The following SCUBE1 variants were observed in gnomAD, a reference collection of about 807,000 sequenced individuals.
SCUBE1 encodes signal peptide, CUB and EGF-like domain-containing protein 1.
SCUBE1 carries 59 observed loss-of-function variants against 124.4 expected under a neutral mutation model. The ratio of observed to expected loss-of-function variants is 0.47; its 90% CI spans 0.38 to 0.59. The LOEUF (loss-of-function observed/expected upper bound fraction) is 0.59. SCUBE1 is among the 20% of genes least tolerant of loss of function. SCUBE1 has a pLI of 0.00. For synonymous variants in SCUBE1, 545 were observed against 550.9 expected (o/e 0.99, Z 0.15); for missense variants, 1,150 against 1,371.2 (o/e 0.84, Z 2.55).
At chr22:43,319,672 C>T (rs879324544) in intron 3 of SCUBE1, among the ~76,000 whole-genome samples, 16 of 151,974 alleles carry the variant, frequency 1.1e-4, no homozygotes, top group Admixed American at 1.3e-4. Context: ...AGGTAGCCAC[C>T]TGCAAGCCTG....
At chr22:43,311,576 A>T (rs1926171411) in intron 3 of SCUBE1, among the ~76,000 whole-genome samples, 1 of 150,584 alleles carries the variant, frequency 6.6e-6, no homozygotes. Context: ...GCCTGCCACC[A>T]AATCTGGCTA....
chr22:43,255,394 C>A lies in SCUBE1; in HGVS notation c.727+2825G>T. On this transcript the variant is annotated intron_variant, in intron 6 of 21. Transcript: ENST00000360835. The surrounding 1 kb of genome is among the most constrained non-coding windows in gnomAD (Gnocchi z 4.7). ...CACACCCACACACAGCACACACACG[C>A]CCATGTCCACATGCCAGTGCGCACC... 9.2e-7 allele frequency: 1 copy of A among 1,081,158 alleles called. No individual in the cohort carries two copies. Among genetic ancestry groups the A allele is most frequent in the South Asian group, 1.4e-5 (1 of 73,010 alleles). 67.0% of individuals were successfully genotyped at this position (1,081,158 alleles called of 1,614,324 possible). A position where few individuals can be genotyped will look rare whatever the true frequency, so the allele number is the denominator to read the frequency against.
At position 43,227,449 on chromosome 22, in the gene SCUBE1, C is replaced by T. The variant is rs764184054; in HGVS notation, c.1132G>A (p.Val378Ile). ...MSNGSCDQGC[V>I]NTKGSYECVC... ...CACTCGTAGCTGCCCTTGGTGTTGA[C>T]GCAGCCCTGGTCACAGCTCCCGTTG... The change falls in exon 10 of 22, where the codon GTC becomes ATC. Residue 378 changes from valine (V) to isoleucine (I), a missense_variant. Coordinates refer to ENST00000360835, the MANE Select transcript of SCUBE1 (RefSeq NM_173050.5). 19 of 1,613,092 alleles carry T rather than the reference C, an allele frequency of 1.2e-5. No individual in the cohort carries two copies. The highest frequency in any genetic ancestry group is 2.7e-5 in the African/African-American group (2 of 74,918).
intron 3 of SCUBE1, among the ~76,000 whole-genome samples, 188 bp downstream of exon 3, chr22:43,319,749 G>C (rs1287851162): frequency 6.6e-6 from 1 of 152,062 alleles, no homozygotes; most frequent in Non-Finnish European, 1.5e-5. Flanking sequence ...CCAGACTCCA[G>C]AACTGCGAGG....
rs1445942201 is a variant in SCUBE1 at position 43,214,150 on chromosome 22, G to A, written c.1993C>T (p.Pro665Ser). The change falls in exon 16 of 22, where the codon CCG becomes TCG. Residue 665 changes from proline (P) to serine (S), a missense_variant. Transcript: ENST00000360835. ...QDMEGQLSCT[P>S]CPSSDGLGLP... is the part of the protein sequence containing the mutation. Reference sequence around the variant, plus strand: ...CCAAGCCCGTCGCTGCTGGGGCACGGTGTGCAACTGAGCTGGCCTTCCATG... The same window carrying A: ...CCAAGCCCGTCGCTGCTGGGGCACGATGTGCAACTGAGCTGGCCTTCCATG... 1.2e-6 allele frequency: 2 copies of A among 1,612,288 alleles called. No homozygotes were observed. Among genetic ancestry groups the A allele is most frequent in the African/African-American group, 2.7e-5 (2 of 74,832 alleles).
rs751882996 is a variant in SCUBE1 at position 43,211,050 on chromosome 22, G to C, written c.2255C>G (p.Thr752Ser). 2.5e-6 allele frequency: 4 copies of C among 1,613,616 alleles called. No individual in the cohort carries two copies. The East Asian group carries it at 8.9e-5, about 36-fold the overall frequency. Reference sequence around the variant, plus strand: ...GGGGCAGCGGATGCAGCGGTGGGTGGTGGTGTTGTAGTGGTGGCCGGGGGA... The same window carrying C: ...GGGGCAGCGGATGCAGCGGTGGGTGCTGGTGTTGTAGTGGTGGCCGGGGGA... The part of the protein sequence containing the change: ...HCSPGHHYNT[T>S]THRCIRCPVG... Residue 752 changes from threonine (T) to serine (S), a missense_variant, in exon 18 of 22, where the codon ACC becomes AGC. Thr to Ser is a moderately conservative substitution (Grantham distance 58). This residue lies in a region of SCUBE1 where 757 missense variants were observed against 840.9 expected (regional missense o/e 0.90). Transcript: ENST00000360835. This position sits in a 1 kb window ranked among gnomAD's most constrained non-coding sequence, Gnocchi z 4.5.
At position 43,258,550 on chromosome 22, in the gene SCUBE1, G is replaced by A. The variant is rs1237844663; in HGVS notation, c.611-215C>T. Among the ~76,000 whole-genome samples, 4 of 152,170 alleles carry A rather than the reference G, an allele frequency of 2.6e-5. No individual in the cohort carries two copies. Among genetic ancestry groups the A allele is most frequent in the South Asian group, 2.1e-4 (1 of 4,828 alleles). ...AGTCACTCACTCCCTAGAGCTGAACGGGGGTGGGACAGAATGGACTTGGGG... is the reference window on the plus strand; with the variant it reads ...AGTCACTCACTCCCTAGAGCTGAACAGGGGTGGGACAGAATGGACTTGGGG... On this transcript the variant is annotated intron_variant, in intron 5 of 21. Coordinates refer to ENST00000360835, the MANE Select transcript of SCUBE1 (RefSeq NM_173050.5). This position sits in a 1 kb window ranked among gnomAD's most constrained non-coding sequence, Gnocchi z 5.0.
Position 43,243,638 on chromosome 22 carries a change from C to T in SCUBE1, c.728-4684G>A, listed in dbSNP as rs60756138. On this transcript the variant is annotated intron_variant, in intron 6 of 21. Coordinates refer to ENST00000360835, the MANE Select transcript of SCUBE1 (RefSeq NM_173050.5). ...GTCCTTAAAGGACAGTCTCAGTCAC[C>T]GTGTGGTGGACATTAAGGGACAGGC... 6.6e-4 allele frequency among the ~76,000 whole-genome samples: 101 copies of T among 152,326 alleles called. 1 individual carries two copies. Among genetic ancestry groups the T allele is most frequent in the African/African-American group, 2.4e-3 (98 of 41,574 alleles).
intron 3 of SCUBE1, among the ~76,000 whole-genome samples, chr22:43,317,420 C>T (rs889088488): frequency 6.6e-5 from 10 of 152,190 alleles, no homozygotes; most frequent in African/African-American, 2.4e-4. Flanking sequence ...TGCTGAGAGT[C>T]CCCTGTGCCG....
At chr22:43,214,046 C>CGGGGGGGGGGGGGGGGGGGGGGGGG in intron 16 of SCUBE1, 44 bp downstream of exon 16, 3 of 422,702 alleles carry the variant, frequency 7.1e-6, no homozygotes, top group African/African-American at 2.1e-5. Context: ...GAGGAGCCCC[C>CGGGGGGGGGGGGGGGGGGGGGGGGG]GCCCACCCCC....
rs1555886393 is a variant in SCUBE1, at chr22:43,284,779, GTCA to G, written c.484+6264_484+6266del. ...CATCGTCATCGTCGTCGTCGTCGTCGTCATCATCATCATCACATTACACACAAA... is the reference window on the plus strand; with the variant it reads ...CATCGTCATCGTCGTCGTCGTCGTCGTCATCATCATCACATTACACACAAA... On this transcript the variant is annotated intron_variant, in intron 4 of 21. Coordinates refer to ENST00000360835, the MANE Select transcript of SCUBE1 (RefSeq NM_173050.5). 8.5e-5 allele frequency among the ~76,000 whole-genome samples: 13 copies of G among 152,156 alleles called. No individual in the cohort carries two copies. In the East Asian group the frequency reaches 2.1e-3, roughly 25 times the overall value.
chr22:43,283,932 C>G (rs1221312583), intron 4 of SCUBE1: 4 of 152,212 alleles, frequency 2.6e-5, no homozygotes, highest in African/African-American at 4.8e-5. Context: ...GTTTTATAAG[C>G]AAAATAACTA....
At chr22:43,330,642 G>C (rs577932519) in intron 2 of SCUBE1, among the ~76,000 whole-genome samples, 1 of 152,328 alleles carries the variant, frequency 6.6e-6, no homozygotes, top group Non-Finnish European at 1.5e-5. Flanking sequence ...TTACGGATGG[G>C]CAAACTGAGG....
At chr22:43,320,645 A>G (rs78386021) in intron 2 of SCUBE1, among the ~76,000 whole-genome samples, 5,906 of 152,298 alleles carry the variant, frequency 0.039, 132 homozygotes, top group African/African-American at 0.048. Flanking sequence ...GAACACGCCT[A>G]GTTAACCTTG....
chr22:43,273,891 G>A (rs1180051932), intron 4 of SCUBE1, among the ~76,000 whole-genome samples: 1 of 152,112 alleles, frequency 6.6e-6, no homozygotes, highest in African/African-American at 2.4e-5. Flanking sequence ...TCTTTTGTAA[G>A]AGTGTTCAAG....
intron 2 of SCUBE1, among the ~76,000 whole-genome samples, chr22:43,336,448 G>T (rs566033555): frequency 6.6e-6 from 1 of 152,218 alleles, no homozygotes; most frequent in Non-Finnish European, 1.5e-5. Flanking sequence ...CAGACTAAAT[G>T]TTTTCTGCAG....
intron 3 of SCUBE1, among the ~76,000 whole-genome samples, chr22:43,319,619 G>T (rs925405535): frequency 6.7e-6 from 1 of 149,088 alleles, no homozygotes; most frequent in Non-Finnish European, 1.5e-5. Flanking sequence ...CTAGACACTT[G>T]CATGCAAAGT....
At position 43,202,211 on chromosome 22, in the gene SCUBE1, C is replaced by T. The variant is rs1370977227; in HGVS notation, c.*1786G>A. The T allele has an allele frequency of 6.6e-6, 1 of 152,258 alleles. No individual in the cohort carries two copies. The highest frequency in any genetic ancestry group is 1.5e-5 in the Non-Finnish European group (1 of 68,072). 9.4% of individuals were successfully genotyped at this position (152,258 alleles called of 1,614,324 possible). A position where few individuals can be genotyped will look rare whatever the true frequency, so the allele number is the denominator to read the frequency against. Reference sequence around the variant, plus strand: ...CTGTAGAATATGTGATCACGGCCTACCTCGTCACCAAGCCCTGAACCTCCA... The same window carrying T: ...CTGTAGAATATGTGATCACGGCCTATCTCGTCACCAAGCCCTGAACCTCCA... On this transcript the variant is annotated 3_prime_UTR_variant, in exon 22 of 22. Coordinates refer to ENST00000360835, the MANE Select transcript of SCUBE1 (RefSeq NM_173050.5).
intron 5 of SCUBE1, among the ~76,000 whole-genome samples, chr22:43,260,572 AT>A (rs1483019301): frequency 2.6e-5 from 4 of 152,222 alleles, no homozygotes; most frequent in African/African-American, 7.2e-5. Flanking sequence ...ACTAGAGCGA[AT>A]GCCTCAGAGC....
Sources: allele counts gnomAD v4.1 joint callset (sites outside exome capture counted in the v4.1 genomes callset), GRCh38; gene constraint gnomAD v4.1.1; regional missense constraint gnomAD v4.1.1; non-coding constraint Gnocchi (gnomAD v3.1); transcripts MANE v1.5; gene names NCBI Gene and HGNC (gene_info 2026-07-23, HGNC 2026-07-21).